FAM110B: variants seen among roughly 807,000 people sequenced by gnomAD.
FAM110B encodes the protein protein FAM110B.
Under a neutral mutation model 20.4 loss-of-function variants are expected in FAM110B, and 6 were observed. The ratio of observed to expected loss-of-function variants is 0.29; its 90% CI spans 0.16 to 0.58. The LOEUF (loss-of-function observed/expected upper bound fraction) is 0.58, where lower values mean the gene tolerates loss of function less well. FAM110B is among the 20% of genes least tolerant of loss of function. The pLI is 0.90. For synonymous variants in FAM110B, 226 were observed against 214.1 expected, an observed-to-expected ratio of 1.06 and a Z score of -0.49; for missense variants, 434 against 498.2, an observed-to-expected ratio of 0.87 and a Z score of 1.23.
At chr8:58,022,473 AG>A (rs1214551532) in intron 1 of FAM110B, among the ~76,000 whole-genome samples, 1 of 152,180 alleles carries the variant, frequency 6.6e-6, no homozygotes, top group Non-Finnish European at 1.5e-5. Context: ...ATAGTGTGAT[AG>A]TACTTACTCC....
intron 3 of FAM110B, among the ~76,000 whole-genome samples, chr8:58,089,769 A>C (rs1275048116): frequency 3.3e-5 from 5 of 152,246 alleles, no homozygotes; most frequent in Non-Finnish European, 2.9e-5. Flanking sequence ...TTTGATCAGG[A>C]GATCATGTTT....
chr8:58,112,721 A>G (rs1462302391), intron 3 of FAM110B, among the ~76,000 whole-genome samples: 2 of 152,174 alleles, frequency 1.3e-5, no homozygotes, highest in Non-Finnish European at 2.9e-5. Flanking sequence ...TGATTTTTTT[A>G]AACAATATAT....
intron 3 of FAM110B, among the ~76,000 whole-genome samples, chr8:58,119,397 C>T (rs192671566): frequency 5.9e-5 from 9 of 152,244 alleles, no homozygotes; most frequent in East Asian, 3.9e-4. Flanking sequence ...GGCACACCCC[C>T]GTAAGCCTCT....
chr8:58,036,690 CAT>C (rs1205900703), intron 2 of FAM110B, among the ~76,000 whole-genome samples: 1 of 152,212 alleles, frequency 6.6e-6, no homozygotes, highest in East Asian at 1.9e-4. Flanking sequence ...CATGCAAACA[CAT>C]GTGTGCACAC....
intron 2 of FAM110B, among the ~76,000 whole-genome samples, chr8:58,054,904 T>G (rs1311269959): frequency 7.0e-6 from 1 of 143,094 alleles, no homozygotes; most frequent in Non-Finnish European, 1.6e-5. Context: ...CTTTCTCAGG[T>G]CCTATTTTTC....
chr8:58,099,403 A>G (rs1198783611), intron 3 of FAM110B, among the ~76,000 whole-genome samples: 2 of 152,212 alleles, frequency 1.3e-5, no homozygotes, highest in Admixed American at 1.3e-4. Context: ...CACATTTCAG[A>G]TAAGTGATAC....
chr8:58,015,068 C>T (rs1389131625), intron 1 of FAM110B, among the ~76,000 whole-genome samples: 3 of 152,194 alleles, frequency 2.0e-5, no homozygotes, highest in South Asian at 2.1e-4. Context: ...TTTAAGATAA[C>T]GTTAAAGCCG....
At chr8:58,010,242 G>A (rs879380207) in intron 1 of FAM110B, among the ~76,000 whole-genome samples, 6 of 150,056 alleles carry the variant, frequency 4.0e-5, no homozygotes, top group Admixed American at 6.6e-5. Context: ...CACTGGTCTC[G>A]AACTCCTGAC....
At chr8:58,070,992 GA>G (rs1307909891) in intron 2 of FAM110B, among the ~76,000 whole-genome samples, 1 of 152,146 alleles carries the variant, frequency 6.6e-6, no homozygotes, top group African/African-American at 2.4e-5. Flanking sequence ...AGCTGTGCTT[GA>G]AAGAGAAATT....
At chr8:58,137,578 C>T (rs897248438) in intron 3 of FAM110B, among the ~76,000 whole-genome samples, 2 of 151,958 alleles carry the variant, frequency 1.3e-5, no homozygotes, top group African/African-American at 4.8e-5. Context: ...AAACAGCTTA[C>T]GTTTACTGAA....
chr8:58,040,471 T>C (rs1805190081), intron 2 of FAM110B, among the ~76,000 whole-genome samples: 1 of 152,174 alleles, frequency 6.6e-6, no homozygotes, highest in Non-Finnish European at 1.5e-5. Flanking sequence ...CAGGCCCACA[T>C]AGAGACCAGG....
In FAM110B at chr8:58,114,433, C is replaced by T. The variant is rs141305063; in HGVS notation, c.-324-31474C>T. On this transcript the variant is annotated intron_variant, in intron 3 of 3. Transcript: ENST00000519262. ...ATACTGGCTTTCCCAAGTGTATTCA[C>T]CCTACCCAGGGCGTCATCGTCTCAG... Among the ~76,000 whole-genome samples, 439 of 152,306 alleles carry T rather than the reference C, an allele frequency of 2.9e-3. 3 individuals carry two copies. The highest frequency in any genetic ancestry group is 9.9e-3 in the African/African-American group (410 of 41,554).
chr8:58,126,446 A>G (rs1807506046), intron 3 of FAM110B, among the ~76,000 whole-genome samples: 1 of 152,156 alleles, frequency 6.6e-6, no homozygotes, highest in African/African-American at 2.4e-5. Flanking sequence ...TGGTAAGTGT[A>G]TGTTTAGTTT....
intron 3 of FAM110B, among the ~76,000 whole-genome samples, chr8:58,086,322 CA>C (rs1806334659): frequency 6.6e-6 from 1 of 152,118 alleles, no homozygotes; most frequent in African/African-American, 2.4e-5. Flanking sequence ...CATTAAGAAA[CA>C]GGAAATTAAG....
At position 58,146,114 on chromosome 8, in the gene FAM110B, A is replaced by C. The variant is rs1803856322; in HGVS notation, c.-117A>C. On this transcript the variant is annotated 5_prime_UTR_variant, in exon 4 of 4. Coordinates refer to ENST00000519262, the MANE Select transcript of FAM110B (RefSeq NM_001377989.1). ...CGCTGCTGCGGCCGCTGCTGCTGACACTCGCTCCCAGGCTGCACCCGCCGC... is the reference window on the plus strand; with the variant it reads ...CGCTGCTGCGGCCGCTGCTGCTGACCCTCGCTCCCAGGCTGCACCCGCCGC... The C allele has an allele frequency of 4.1e-6, 5 of 1,230,226 alleles. No homozygotes were observed. The East Asian group carries it at 1.0e-4, about 25-fold the overall frequency. The allele number at this position is 1,230,226 out of a possible 1,614,324, so 76.2% of individuals were successfully genotyped here.
chr8:58,138,681 C>A (rs1803677131), intron 3 of FAM110B, among the ~76,000 whole-genome samples: 1 of 152,320 alleles, frequency 6.6e-6, no homozygotes, highest in South Asian at 2.1e-4. Flanking sequence ...TCCTGTGAAA[C>A]CTTTGTGGGT....
intron 3 of FAM110B, among the ~76,000 whole-genome samples, chr8:58,110,731 G>A (rs1159335050): frequency 1.3e-5 from 2 of 152,094 alleles, no homozygotes; most frequent in Non-Finnish European, 2.9e-5. Context: ...TCAACAGGGT[G>A]TAGCCATTTA....
chr8:58,045,159 C>T (rs1022934173), intron 2 of FAM110B, among the ~76,000 whole-genome samples: 13 of 152,100 alleles, frequency 8.5e-5, no homozygotes, highest in African/African-American at 2.9e-4. Flanking sequence ...AGGGCTAGCA[C>T]GGGGCTTCAT....
chr8:58,121,195 A>T (rs1807353120), intron 3 of FAM110B, among the ~76,000 whole-genome samples: 1 of 152,150 alleles, frequency 6.6e-6, no homozygotes, highest in South Asian at 2.1e-4. Context: ...GGTGCCATGC[A>T]AACAGGGAAG....
Sources: allele counts gnomAD v4.1 joint callset (sites outside exome capture counted in the v4.1 genomes callset), GRCh38; gene constraint gnomAD v4.1.1; transcripts MANE v1.5; gene names NCBI Gene and HGNC (gene_info 2026-07-23, HGNC 2026-07-21).